KHDRBS2: variants seen among roughly 807,000 people sequenced by gnomAD.
KHDRBS2 encodes the protein KH domain-containing, RNA-binding, signal transduction-associated protein 2.
Under a neutral mutation model 44.3 loss-of-function variants are expected in KHDRBS2, and 26 were observed. That is an observed-to-expected ratio of 0.59 (90% CI 0.43 to 0.81). KHDRBS2 has a LOEUF of 0.81. Among genes scored for constraint, KHDRBS2 ranks in the 40% least tolerant of loss-of-function variants. The pLI is 0.00. For missense variants in KHDRBS2, 476 were observed against 433.1 expected, an observed-to-expected ratio of 1.10 and a Z score of -0.88; for synonymous variants, 194 against 151.1, an observed-to-expected ratio of 1.28 and a Z score of -2.08.
At chr6:61,730,257 A>G (rs937016972) in intron 7 of KHDRBS2, among the ~76,000 whole-genome samples, 1 of 152,130 alleles carries the variant, frequency 6.6e-6, no homozygotes, top group African/African-American at 2.4e-5. Flanking sequence ...AACTAATTTC[A>G]TCACCTACTT....
chr6:62,266,914 A>G (rs1585517125), intron 1 of KHDRBS2, among the ~76,000 whole-genome samples: 1 of 152,182 alleles, frequency 6.6e-6, no homozygotes, highest in South Asian at 2.1e-4. Context: ...GCAAACATTC[A>G]AATAAAAAAT....
chr6:61,909,999 T>C (rs931390750), intron 4 of KHDRBS2, among the ~76,000 whole-genome samples: 2 of 152,180 alleles, frequency 1.3e-5, no homozygotes, highest in African/African-American at 2.4e-5. Flanking sequence ...TCGGAAATGA[T>C]ACGTAGGGAA....
At chr6:61,564,685 C>A in the KHDRBS2 span, among the ~76,000 whole-genome samples, 1 of 152,048 alleles carries the variant, frequency 6.6e-6, no homozygotes, top group Non-Finnish European at 1.5e-5. Flanking sequence ...GACAGGGAGG[C>A]TGTGGAGCTG....
intron 6 of KHDRBS2, 80 bp from the exon 7 acceptor site, chr6:61,732,844 C>A (rs1364867380): frequency 1.0e-5 from 8 of 786,274 alleles, no homozygotes; most frequent in African/African-American, 3.4e-5. Context: ...CAATTTTATA[C>A]AATGTGATCT....
chr6:62,009,598 T>G (rs1779908023), intron 3 of KHDRBS2, among the ~76,000 whole-genome samples: 1 of 152,088 alleles, frequency 6.6e-6, no homozygotes, highest in Non-Finnish European at 1.5e-5. Context: ...CCCAGAGGCC[T>G]AGGAGGAAAA....
intron 6 of KHDRBS2, among the ~76,000 whole-genome samples, chr6:61,877,680 G>A (rs1230800970): frequency 6.6e-6 from 1 of 151,748 alleles, no homozygotes; most frequent in Non-Finnish European, 1.5e-5. Context: ...TGACAGATGG[G>A]CACCTCTAAA....
the KHDRBS2 span, among the ~76,000 whole-genome samples, chr6:61,633,533 C>T: frequency 6.6e-6 from 1 of 152,028 alleles, no homozygotes; most frequent in African/African-American, 2.4e-5. Context: ...CTTAGGTATT[C>T]TCCTAAGTGC....
chr6:61,548,861 T>G, the KHDRBS2 span, among the ~76,000 whole-genome samples: 1 of 151,952 alleles, frequency 6.6e-6, no homozygotes, highest in Non-Finnish European at 1.5e-5. Flanking sequence ...TATGTTGGAG[T>G]TGGCCACTAC....
intron 6 of KHDRBS2, among the ~76,000 whole-genome samples, chr6:61,739,026 C>T (rs1446317360): frequency 4.0e-5 from 6 of 151,778 alleles, no homozygotes; most frequent in South Asian, 2.1e-4. Context: ...ATTGTATGCA[C>T]GTGTGTCTAT....
intron 2 of KHDRBS2, among the ~76,000 whole-genome samples, chr6:62,104,293 CTTT>C (rs147588804): frequency 3.4e-5 from 5 of 149,252 alleles, no homozygotes; most frequent in African/African-American, 9.8e-5. Context: ...TTAAATAAGT[CTTT>C]TTTTTTTAAT....
At chr6:61,743,811 G>A (rs1427988731) in intron 6 of KHDRBS2, among the ~76,000 whole-genome samples, 1 of 134,672 alleles carries the variant, frequency 7.4e-6, no homozygotes, top group African/African-American at 2.9e-5. Context: ...CCCGGTGTGT[G>A]ATGTTCCCCT....
intron 3 of KHDRBS2, among the ~76,000 whole-genome samples, chr6:62,028,263 T>C (rs1441880942): frequency 6.6e-6 from 1 of 152,154 alleles, no homozygotes; most frequent in Non-Finnish European, 1.5e-5. Context: ...AAATGCAATG[T>C]ATATTTTATT....
At chr6:61,829,956 C>T (rs539108763) in intron 6 of KHDRBS2, among the ~76,000 whole-genome samples, 15 of 152,220 alleles carry the variant, frequency 9.9e-5, no homozygotes, top group African/African-American at 2.2e-4. Flanking sequence ...TATGCCTGCT[C>T]ATACATGCTT....
At chr6:61,688,770 G>A (rs569978060) in intron 8 of KHDRBS2, among the ~76,000 whole-genome samples, 2 of 151,986 alleles carry the variant, frequency 1.3e-5, no homozygotes, top group Non-Finnish European at 2.9e-5. Context: ...TGCTTTTCCA[G>A]GTTGATAAAT....
intron 8 of KHDRBS2, among the ~76,000 whole-genome samples, chr6:61,686,080 C>T (rs781532789): frequency 9.9e-5 from 15 of 151,810 alleles, no homozygotes; most frequent in Admixed American, 2.0e-4. Flanking sequence ...GATCATGGAG[C>T]TTACTGAGTG....
chr6:61,748,221 C>A lies in KHDRBS2; in HGVS notation c.811-15457G>T, dbSNP rs373551596. 1.3e-3 allele frequency among the ~76,000 whole-genome samples: 205 copies of A among 152,310 alleles called. 2 individuals are homozygous for A. The highest frequency in any genetic ancestry group is 4.8e-3 in the African/African-American group (198 of 41,584). On this transcript the variant is annotated intron_variant, in intron 6 of 8. Transcript: ENST00000281156. ...GGAAAGGCTGGCCTCAAACTCCTGA[C>A]CTCATGATCCGCCTGCCTTGGCCTC...
chr6:61,872,471 A>C (rs928526042), intron 6 of KHDRBS2, among the ~76,000 whole-genome samples: 2 of 152,184 alleles, frequency 1.3e-5, no homozygotes, highest in Non-Finnish European at 2.9e-5. Context: ...TATACAATAC[A>C]TATAAACAGA....
intron 1 of KHDRBS2, among the ~76,000 whole-genome samples, chr6:62,204,292 T>A (rs1459490862): frequency 6.6e-6 from 1 of 152,170 alleles, no homozygotes; most frequent in African/African-American, 2.4e-5. Context: ...CTGCAATATG[T>A]CAGTGCTAAA....
intron 2 of KHDRBS2, among the ~76,000 whole-genome samples, chr6:62,063,874 G>A (rs2127331996): frequency 7.3e-6 from 1 of 136,304 alleles, no homozygotes; most frequent in South Asian, 2.5e-4. Context: ...TGTATATCTA[G>A]AAAACCCCAT....
Sources: gnomAD v4.1 joint callset for allele counts (sites outside exome capture counted in the v4.1 genomes callset) on GRCh38, gnomAD v4.1.1 for gene constraint, MANE v1.5 for transcripts, NCBI Gene and HGNC (gene_info 2026-07-23, HGNC 2026-07-21) for gene names.